EPHX2: variants seen among roughly 807,000 people sequenced by gnomAD.
EPHX2 encodes epoxide hydrolase 2.
Under a neutral mutation model 78.7 loss-of-function variants are expected in EPHX2, and 74 were observed. The observed-to-expected ratio is 0.94, with a 90% CI of 0.78 to 1.14. EPHX2 has a LOEUF of 1.14. Among genes scored for constraint, EPHX2 ranks in the 50% most tolerant of loss-of-function variants. The pLI is 0.00. For synonymous variants in EPHX2, 251 were observed against 255.2 expected, an observed-to-expected ratio of 0.98 and a Z score of 0.16; for missense variants, 715 against 702.5, an observed-to-expected ratio of 1.02 and a Z score of -0.20.
At chr8:27,545,829 C>G (rs1815565969), downstream of EPHX2, among the ~76,000 whole-genome samples, 2 of 152,150 alleles carry the variant, frequency 1.3e-5, no homozygotes, top group Non-Finnish European at 2.9e-5. Context: ...GCCTGAGTAT[C>G]TGTGTATAGG....
intron 14 of EPHX2, chr8:27,538,909 A>T (rs956871343): frequency 6.6e-5 from 38 of 579,098 alleles, no homozygotes; most frequent in African/African-American, 5.8e-4. Flanking sequence ...TGGCTTCAAG[A>T]TCTTAAGCAG....
At chr8:27,514,265 C>T (rs1343424326) in intron 6 of EPHX2, among the ~76,000 whole-genome samples, 1 of 152,038 alleles carries the variant, frequency 6.6e-6, no homozygotes, top group East Asian at 1.9e-4. Context: ...TATGATCATG[C>T]CCCTGCCCTC....
chr8:27,543,744 C>G lies in EPHX2; in HGVS notation c.1450-5C>G, dbSNP rs1405577534. 6.2e-6 allele frequency: 10 copies of G among 1,613,732 alleles called. No homozygotes were observed. The highest frequency in any genetic ancestry group is 1.7e-5 in the Admixed American group (1 of 59,974). On this transcript the variant is annotated splice_polypyrimidine_tract_variant and splice_region_variant and intron_variant, in intron 16 of 18. Coordinates refer to ENST00000521400, the MANE Select transcript of EPHX2 (RefSeq NM_001979.6). Reference sequence around the variant, plus strand: ...GGCCACTTCTGTTTCCTGTTCTCCCCCCAGATCCTGATTCCGGCCCTGATG... The same window carrying G: ...GGCCACTTCTGTTTCCTGTTCTCCCGCCAGATCCTGATTCCGGCCCTGATG...
chr8:27,510,584 G>A (rs1048345877), intron 5 of EPHX2, among the ~76,000 whole-genome samples: 19 of 152,094 alleles, frequency 1.2e-4, no homozygotes, highest in African/African-American at 2.4e-4. Context: ...AAGAAAGGGC[G>A]TTCAAGGAGG....
At chr8:27,542,280 AT>A (rs1431825489) in intron 16 of EPHX2, among the ~76,000 whole-genome samples, 2 of 152,182 alleles carry the variant, frequency 1.3e-5, no homozygotes, top group Non-Finnish European at 2.9e-5. Context: ...ACTAGAGTAT[AT>A]AACATCGTGG....
At chr8:27,516,186 C>G (rs1466604293) in intron 7 of EPHX2, 134 bp from the exon 8 acceptor site, 2 of 911,430 alleles carry the variant, frequency 2.2e-6, no homozygotes, top group Non-Finnish European at 3.5e-6. Context: ...AGCTCCATGG[C>G]AAAGTTACCG....
At chr8:27,496,262 T>C (rs549946884) in intron 1 of EPHX2, among the ~76,000 whole-genome samples, 1 of 152,286 alleles carries the variant, frequency 6.6e-6, no homozygotes, top group South Asian at 2.1e-4. Flanking sequence ...TTTGAACTGG[T>C]AACCATAAGT....
intron 1 of EPHX2, among the ~76,000 whole-genome samples, chr8:27,499,599 G>A (rs1037397530): frequency 1.3e-5 from 2 of 152,144 alleles, no homozygotes; most frequent in Non-Finnish European, 2.9e-5. Flanking sequence ...ATCTGGGATT[G>A]GCAAGCCAGT....
At chr8:27,543,134 T>C (rs1249588278) in intron 16 of EPHX2, among the ~76,000 whole-genome samples, 1 of 151,644 alleles carries the variant, frequency 6.6e-6, no homozygotes, top group Non-Finnish European at 1.5e-5. Context: ...CTCCTGGTTG[T>C]GGGAGGAGGG....
chr8:27,540,668 A>C lies in EPHX2; in HGVS notation c.1379+12A>C, dbSNP rs1180050084. On this transcript the variant is annotated intron_variant, in intron 15 of 18. Transcript: ENST00000521400. ...AAGTCTGGTTTCAGGTAAAGAGAGC[A>C]CAGGGCCCAGACACAGATGAGAGAT... is the stretch of plus-strand genomic sequence containing the variant. 1 of 1,611,390 alleles carries C rather than the reference A, an allele frequency of 6.2e-7. No homozygotes were observed.
In EPHX2 at chr8:27,536,999, C is replaced by G. The variant is rs140073246; in HGVS notation, c.1242+144C>G. On this transcript the variant is annotated intron_variant, in intron 13 of 18. Coordinates refer to ENST00000521400, the MANE Select transcript of EPHX2 (RefSeq NM_001979.6). The stretch of plus-strand genomic sequence containing the variant: ...AGTCAGGGTAATTGAGGTCCTCACT[C>G]TACTGGGAAAATTTACATCCTCGTT... The G allele has an allele frequency of 2.7e-3, 1,999 of 751,236 alleles. 19 individuals are homozygous for G. The highest frequency in any genetic ancestry group is 0.013 in the South Asian group (649 of 49,606). The allele number at this position is 751,236 out of a possible 1,614,324, so 46.5% of individuals were successfully genotyped here.
At chr8:27,536,658 A>C (rs1032732515) in intron 12 of EPHX2, 126 bp from the exon 13 acceptor site, 7 of 876,528 alleles carry the variant, frequency 8.0e-6, no homozygotes, top group African/African-American at 1.7e-5. Context: ...AATGGATGCT[A>C]TTCTGATGAA....
At chr8:27,532,315 T>G (rs1284461322) in intron 12 of EPHX2, among the ~76,000 whole-genome samples, 2 of 152,218 alleles carry the variant, frequency 1.3e-5, no homozygotes, top group South Asian at 2.1e-4. Context: ...TGTCCTCTGC[T>G]TATGTGCTTA....
intron 1 of EPHX2, among the ~76,000 whole-genome samples, chr8:27,500,054 C>A (rs1023649060): frequency 6.6e-6 from 1 of 152,126 alleles, no homozygotes; most frequent in African/African-American, 2.4e-5. Context: ...GGTATACAAC[C>A]CAGCCTTAAC....
In EPHX2 at chr8:27,505,022, AGCT is replaced by A; in HGVS notation, c.415_417del (p.Leu139del). 1 of 1,614,136 alleles carries A rather than the reference AGCT, an allele frequency of 6.2e-7. No individual in the cohort carries two copies. Among genetic ancestry groups the A allele is most frequent in the Non-Finnish European group, 8.5e-7 (1 of 1,180,032 alleles). On this transcript the variant is annotated inframe_deletion, in exon 4 of 19. Coordinates refer to ENST00000521400, the MANE Select transcript of EPHX2 (RefSeq NM_001979.6). ...CGTGCTGAGAGAGATGGCCTGGCCC[AGCT>A]GATGTGTGAGCTGAAGATGCACTTT...
rs145160595 is a variant in EPHX2 at position 27,536,850 on chromosome 8, G to A, written c.1237G>A (p.Asp413Asn). Reference protein sequence around the residue: ...RTFKSLFRASDESVLSMHKVC... With the variant: ...RTFKSLFRASNESVLSMHKVC... ...TTTCAAAAGCCTCTTCAGAGCAAGC[G>A]ATGAGGTGAGGGGTGGGGATGGGTG... The change falls in exon 13 of 19, where the codon GAT becomes AAT. Residue 413 changes from aspartate to asparagine, a missense_variant. Physicochemically the swap from Asp to Asn is conservative, Grantham distance 23. Coordinates refer to ENST00000521400, the MANE Select transcript of EPHX2 (RefSeq NM_001979.6). The A allele has an allele frequency of 2.1e-4, 337 of 1,613,784 alleles. No individual in the cohort carries two copies. The African/African-American group carries it at 3.2e-3, about 15-fold the overall frequency.
chr8:27,534,815 G>A (rs988926992), intron 12 of EPHX2, among the ~76,000 whole-genome samples: 1 of 152,130 alleles, frequency 6.6e-6, no homozygotes, highest in African/African-American at 2.4e-5. Context: ...CACCACTAAG[G>A]GGATCCCAGG....
chr8:27,510,916 G>A (rs184312215), intron 5 of EPHX2, among the ~76,000 whole-genome samples: 1 of 152,234 alleles, frequency 6.6e-6, no homozygotes, highest in African/African-American at 2.4e-5. Context: ...ATCACTGCAT[G>A]TCAGCCTGGA....
chr8:27,523,510 A>C (rs953920888), intron 11 of EPHX2, among the ~76,000 whole-genome samples: 3 of 152,164 alleles, frequency 2.0e-5, no homozygotes, highest in Non-Finnish European at 4.4e-5. Context: ...ATCCTAAGCC[A>C]CCATCTGAAT....
Sources: gnomAD v4.1 joint callset for allele counts (sites outside exome capture counted in the v4.1 genomes callset) on GRCh38, gnomAD v4.1.1 for gene constraint, MANE v1.5 for transcripts, NCBI Gene and HGNC (gene_info 2026-07-23, HGNC 2026-07-21) for gene names.